Variants in GOLGA1 observed in about 807,000 individuals in gnomAD.
GOLGA1 encodes golgin A1, also known as golgin subfamily A member 1.
Under a neutral mutation model 119.7 loss-of-function variants are expected in GOLGA1, and 63 were observed. The observed-to-expected ratio is 0.53, with a 90% CI of 0.43 to 0.65. The LOEUF (loss-of-function observed/expected upper bound fraction) is 0.65. GOLGA1 is among the 30% of genes least tolerant of loss of function. The probability of loss-of-function intolerance (pLI) is 0.00; values close to 1 mark genes in which losing one functional copy is unlikely to be tolerated. For synonymous variants in GOLGA1, 318 were observed against 333.4 expected (o/e 0.95, Z 0.50); for missense variants, 798 against 912.8 (o/e 0.87, Z 1.62).
intron 15 of GOLGA1, among the ~76,000 whole-genome samples, chr9:124,892,031 T>G (rs1829867588): frequency 6.6e-6 from 1 of 151,892 alleles, no homozygotes; most frequent in Non-Finnish European, 1.5e-5. Context: ...CTCAGCTCAC[T>G]GCAATCTCTG....
chr9:124,928,343 A>G (rs939841992), intron 5 of GOLGA1, 58 bp from the exon 6 acceptor site: 6 of 881,136 alleles, frequency 6.8e-6, no homozygotes, highest in Non-Finnish European at 9.4e-6. Context: ...AGCATGACAA[A>G]TAGCCCATGT....
chr9:124,898,494 C>T (rs1225638071), intron 15 of GOLGA1, 55 bp downstream of exon 15: 5 of 975,808 alleles, frequency 5.1e-6, no homozygotes, highest in African/African-American at 1.6e-5. Flanking sequence ...ACTGTAAATA[C>T]ACATGTAGAA....
intron 7 of GOLGA1, 70 bp from the exon 8 acceptor site, chr9:124,923,293 T>C (rs1326998724): frequency 3.0e-6 from 4 of 1,343,148 alleles, no homozygotes; most frequent in East Asian, 2.4e-5. Context: ...AAAGTGAAAA[T>C]CTTTTCTTTT....
In GOLGA1 at chr9:124,900,790, C is replaced by G. The variant is rs562866875; in HGVS notation, c.1066-243G>C. Among the ~76,000 whole-genome samples the G allele has an allele frequency of 2.0e-5, 3 of 152,088 alleles. No individual in the cohort carries two copies. The South Asian group carries it at 6.2e-4, about 32-fold the overall frequency. ...AAAGTTTTAATAGGACAATGTAAAA[C>G]TTTGTATCTTTTCCCTACTCTTAAA... On this transcript the variant is annotated intron_variant, in intron 12 of 22. Coordinates refer to ENST00000373555, the MANE Select transcript of GOLGA1 (RefSeq NM_002077.4).
At chr9:124,920,432 C>A (rs1588086952) in intron 10 of GOLGA1, among the ~76,000 whole-genome samples, 2 of 152,102 alleles carry the variant, frequency 1.3e-5, no homozygotes, top group Admixed American at 6.6e-5. Flanking sequence ...AAAATATTAT[C>A]ATTCATCTTT....
intron 6 of GOLGA1, among the ~76,000 whole-genome samples, chr9:124,927,004 C>A (rs1711538320): frequency 6.6e-6 from 1 of 152,098 alleles, no homozygotes; most frequent in South Asian, 2.1e-4. Flanking sequence ...CTAAGCAGGG[C>A]ACCCAAGAAA....
intron 10 of GOLGA1, among the ~76,000 whole-genome samples, chr9:124,912,478 C>T (rs1051093462): frequency 6.6e-6 from 1 of 152,216 alleles, no homozygotes; most frequent in African/African-American, 2.4e-5. Flanking sequence ...ACAGGGACCA[C>T]AGCAGAGCTG....
intron 15 of GOLGA1, 92 bp from the exon 16 acceptor site, chr9:124,890,570 T>C: frequency 1.0e-6 from 1 of 957,078 alleles, no homozygotes; most frequent in South Asian, 1.3e-5. Flanking sequence ...GGGCATGGCT[T>C]TGCAGAGCCA....
chr9:124,881,808 T>C lies in GOLGA1; in HGVS notation c.2112A>G (p.Lys704=), dbSNP rs1319103218. ...NFEYLKHVVL[K]FMSCRESEAF... ...CCTCGGATTCGCGACAAGACATGAA[T>C]TTTAAAACCACATGTTTAAGGTACT... The change falls in exon 21 of 23, where the codon AAA becomes AAG. Residue 704 remains lysine, a synonymous_variant. Transcript: ENST00000373555. The surrounding 1 kb of genome is among the most constrained non-coding windows in gnomAD (Gnocchi z 4.9). The C allele has an allele frequency of 6.2e-7, 1 of 1,610,936 alleles. No homozygotes were observed. The highest frequency in any genetic ancestry group is 8.5e-7 in the Non-Finnish European group (1 of 1,179,014).
chr9:124,883,259 A>C (rs1309134212), intron 19 of GOLGA1, among the ~76,000 whole-genome samples: 1 of 139,582 alleles, frequency 7.2e-6, no homozygotes, highest in Non-Finnish European at 1.5e-5. Flanking sequence ...ACCATGCCCG[A>C]CTCATTTTTG....
chr9:124,886,943 G>A (rs1392711007), intron 19 of GOLGA1, among the ~76,000 whole-genome samples: 3 of 152,166 alleles, frequency 2.0e-5, no homozygotes, highest in Non-Finnish European at 4.4e-5. Context: ...CCATGGTCCT[G>A]AGCTTCGAGG....
rs933535415 is a variant in GOLGA1 at position 124,934,074 on chromosome 9, A to C, written c.136-2668T>G. 7.9e-5 allele frequency among the ~76,000 whole-genome samples: 12 copies of C among 152,298 alleles called. No homozygotes were observed. In the East Asian group the frequency reaches 2.3e-3, roughly 30 times the overall value. ...ATGATCTTGGGGATCCTTGACACAC[A>C]TACTTTAATAAAGGTAGATACAGTT... On this transcript the variant is annotated intron_variant, in intron 3 of 22. Coordinates refer to ENST00000373555, the MANE Select transcript of GOLGA1 (RefSeq NM_002077.4).
upstream of GOLGA1, chr9:124,943,948 A>G (rs892009815): frequency 6.6e-6 from 1 of 152,222 alleles, no homozygotes; most frequent in African/African-American, 2.4e-5. Flanking sequence ...GGTGCTACAC[A>G]ACGAAGATAA....
At chr9:124,931,538 A>G in intron 3 of GOLGA1, 132 bp from the exon 4 acceptor site, 3 of 608,432 alleles carry the variant, frequency 4.9e-6, no homozygotes, top group Non-Finnish European at 3.0e-6. Context: ...AGCTGGGCCT[A>G]GTTTCTCTAC....
chr9:124,941,112 T>A (rs1831010888), upstream of GOLGA1: 1 of 145,582 alleles, frequency 6.9e-6, no homozygotes, highest in African/African-American at 2.5e-5. Context: ...CGGAAGTGAC[T>A]GCGCGGTGGG....
rs536984879 is a variant in GOLGA1, at chr9:124,934,844, C to A, written c.136-3438G>T. ...GGCAGATCGTTTGAGCCCAGGAGTT[C>A]GAGACCAGCCTAAGCAACATGGCAA... On this transcript the variant is annotated intron_variant, in intron 3 of 22. Transcript: ENST00000373555. 3.9e-5 allele frequency among the ~76,000 whole-genome samples: 6 copies of A among 152,192 alleles called. No individual in the cohort carries two copies. The Middle Eastern group carries it at 0.017, about 431-fold the overall frequency.
At chr9:124,909,850 C>T (rs532277909) in intron 11 of GOLGA1, among the ~76,000 whole-genome samples, 5 of 152,222 alleles carry the variant, frequency 3.3e-5, no homozygotes, top group African/African-American at 7.2e-5. Flanking sequence ...CTGCAACCTC[C>T]GCCTCCTGGG....
intron 7 of GOLGA1, among the ~76,000 whole-genome samples, chr9:124,925,270 C>T (rs1830652027): frequency 1.3e-5 from 2 of 151,200 alleles, no homozygotes; most frequent in African/African-American, 4.9e-5. Flanking sequence ...TTGCCATAAT[C>T]TTAAGAGTTT....
intron 19 of GOLGA1, among the ~76,000 whole-genome samples, chr9:124,885,961 T>C (rs181141313): frequency 1.3e-3 from 201 of 152,214 alleles, no homozygotes; most frequent in African/African-American, 4.6e-3. Flanking sequence ...TGGTGGATTC[T>C]GGGAAATGTG....
Sources: gnomAD v4.1 joint callset for allele counts (sites outside exome capture counted in the v4.1 genomes callset) on GRCh38, gnomAD v4.1.1 for gene constraint, Gnocchi (gnomAD v3.1) non-coding constraint, MANE v1.5 for transcripts, NCBI Gene and HGNC (gene_info 2026-07-23, HGNC 2026-07-21) for gene names.